PTPRT: variants seen among roughly 807,000 people sequenced by gnomAD.
The protein encoded by PTPRT is protein tyrosine phosphatase receptor type T, also known as receptor-type tyrosine-protein phosphatase T.
In PTPRT, 56 loss-of-function variants were observed where a neutral mutation model predicts 176.8. The ratio of observed to expected loss-of-function variants is 0.32; its 90% CI spans 0.26 to 0.40. PTPRT has a LOEUF of 0.40. PTPRT is among the 10% of genes least tolerant of loss of function. PTPRT has a pLI of 1.00. For missense variants in PTPRT, 1,540 were observed against 1,908.2 expected (o/e 0.81, Z 3.60); for synonymous variants, 783 against 739.0 (o/e 1.06, Z -0.96).
chr20:42,175,586 C>CTA (rs1202716767), intron 16 of PTPRT, among the ~76,000 whole-genome samples: 1 of 152,096 alleles, frequency 6.6e-6, no homozygotes, highest in African/African-American at 2.4e-5. Flanking sequence ...CTGTATATTA[C>CTA]TAGGGGGCTG....
At chr20:42,727,898 A>G (rs778921686) in intron 6 of PTPRT, among the ~76,000 whole-genome samples, 18 of 151,950 alleles carry the variant, frequency 1.2e-4, no homozygotes, top group Non-Finnish European at 2.9e-5. Flanking sequence ...TGCATCTCCA[A>G]CCACCCTTCT....
intron 6 of PTPRT, among the ~76,000 whole-genome samples, chr20:42,707,441 A>T (rs1480343721): frequency 6.6e-6 from 1 of 152,182 alleles, no homozygotes; most frequent in East Asian, 1.9e-4. Flanking sequence ...GTGAACTCTT[A>T]AAAAAGATGG....
chr20:43,136,434 T>A (rs1350964188), intron 1 of PTPRT, among the ~76,000 whole-genome samples: 1 of 152,238 alleles, frequency 6.6e-6, no homozygotes, highest in Non-Finnish European at 1.5e-5. Context: ...CCTTTCTTGA[T>A]TTCTGGCCTT....
At chr20:42,386,086 T>C (rs2058741611) in intron 9 of PTPRT, among the ~76,000 whole-genome samples, 2 of 152,168 alleles carry the variant, frequency 1.3e-5, no homozygotes, top group African/African-American at 4.8e-5. Flanking sequence ...ACACTGTTAT[T>C]TTACTCACAC....
intron 13 of PTPRT, among the ~76,000 whole-genome samples, chr20:42,281,419 T>A (rs1184131274): frequency 6.6e-6 from 1 of 152,138 alleles, no homozygotes; most frequent in African/African-American, 2.4e-5. Context: ...TGTGCCTACA[T>A]ATTGGGCTGA....
At chr20:42,197,376 C>CAAAA (rs3086756) in intron 16 of PTPRT, among the ~76,000 whole-genome samples, 836 of 33,166 alleles carry the variant, frequency 0.025, 109 homozygotes, top group African/African-American at 0.061. Flanking sequence ...GAGACTCCAT[C>CAAAA]AAAAAAAAAA....
At chr20:42,845,263 G>A (rs1350146116) in intron 2 of PTPRT, among the ~76,000 whole-genome samples, 2 of 143,262 alleles carry the variant, frequency 1.4e-5, no homozygotes, top group Non-Finnish European at 3.1e-5. Flanking sequence ...AAAGCTAAAG[G>A]GCTGTCTTGT....
chr20:42,421,866 T>C (rs2059121712), intron 9 of PTPRT, among the ~76,000 whole-genome samples: 1 of 151,856 alleles, frequency 6.6e-6, no homozygotes, highest in South Asian at 2.1e-4. Flanking sequence ...CAGAGACCAA[T>C]GGAACAGAAT....
intron 1 of PTPRT, among the ~76,000 whole-genome samples, chr20:43,088,586 T>C (rs2011701756): frequency 6.6e-6 from 1 of 152,092 alleles, no homozygotes; most frequent in Admixed American, 6.6e-5. Context: ...TTCCCACTTT[T>C]GGCCCTTTAA....
At chr20:42,689,041 G>C in intron 6 of PTPRT, among the ~76,000 whole-genome samples, 1 of 152,170 alleles carries the variant, frequency 6.6e-6, no homozygotes, top group Middle Eastern at 3.2e-3. Context: ...CAGAAGACAG[G>C]GAAGCACTGG....
chr20:42,617,063 T>C (rs1221928743), intron 7 of PTPRT, among the ~76,000 whole-genome samples: 1 of 137,050 alleles, frequency 7.3e-6, no homozygotes, highest in Admixed American at 7.0e-5. Context: ...CAGTATGATA[T>C]TGGCTGTGGG....
chr20:42,342,260 C>T (rs2058123068), intron 11 of PTPRT, among the ~76,000 whole-genome samples: 1 of 152,196 alleles, frequency 6.6e-6, no homozygotes, highest in East Asian at 1.9e-4. Context: ...CAGTAACATT[C>T]ATCCCTTATT....
intron 7 of PTPRT, among the ~76,000 whole-genome samples, chr20:42,477,040 A>G (rs1043374050): frequency 6.6e-6 from 1 of 152,132 alleles, no homozygotes; most frequent in Non-Finnish European, 1.5e-5. Flanking sequence ...GGCCTCACAT[A>G]TAAGTGTGCA....
chr20:42,901,463 T>C (rs930938455), intron 1 of PTPRT, among the ~76,000 whole-genome samples: 1 of 152,168 alleles, frequency 6.6e-6, no homozygotes, highest in Non-Finnish European at 1.5e-5. Flanking sequence ...CACTTGTGTA[T>C]GTCCACACTG....
chr20:42,206,371 C>G (rs1457948688), intron 15 of PTPRT, among the ~76,000 whole-genome samples: 1 of 152,150 alleles, frequency 6.6e-6, no homozygotes, highest in African/African-American at 2.4e-5. Context: ...TCTGAGGTAC[C>G]GGGTTCATCT....
intron 5 of PTPRT, among the ~76,000 whole-genome samples, chr20:42,769,868 A>AC (rs1169909460): frequency 6.6e-6 from 1 of 152,238 alleles, no homozygotes; most frequent in African/African-American, 2.4e-5. Flanking sequence ...AAGGGTACAT[A>AC]CCGCATGCTT....
At chr20:42,898,053 T>A (rs2079334458) in intron 1 of PTPRT, among the ~76,000 whole-genome samples, 1 of 152,212 alleles carries the variant, frequency 6.6e-6, no homozygotes, top group Non-Finnish European at 1.5e-5. Flanking sequence ...TTATAGATCA[T>A]CAGGGCTAAT....
chr20:42,899,316 CAGA>C (rs1417923193), intron 1 of PTPRT, among the ~76,000 whole-genome samples: 1 of 152,232 alleles, frequency 6.6e-6, no homozygotes, highest in African/African-American at 2.4e-5. Flanking sequence ...TTTCTCGACA[CAGA>C]AGGACAGGCT....
chr20:42,282,578 T>C, intron 12 of PTPRT, 53 bp from the exon 13 acceptor site: 1 of 1,446,292 alleles, frequency 6.9e-7, no homozygotes, highest in Non-Finnish European at 9.6e-7. Context: ...TTATATAAAA[T>C]TGTTATATAA....
Sources: gnomAD v4.1 joint callset for allele counts (sites outside exome capture counted in the v4.1 genomes callset) on GRCh38, gnomAD v4.1.1 for gene constraint, MANE v1.5 for transcripts, NCBI Gene and HGNC (gene_info 2026-07-23, HGNC 2026-07-21) for gene names.